LEPR: variants seen among roughly 807,000 people sequenced by gnomAD.
The protein encoded by LEPR is leptin receptor.
A neutral mutation model predicts 114.7 loss-of-function variants in LEPR; 56 were observed. That is an observed-to-expected ratio of 0.49 (90% CI 0.39 to 0.61). LEPR has a LOEUF of 0.61. Among genes scored for constraint, LEPR ranks in the 20% least tolerant of loss-of-function variants. LEPR has a pLI of 0.00. For synonymous variants in LEPR, 443 were observed against 461.4 expected (o/e 0.96, Z 0.51); for missense variants, 1,202 against 1,352.9 (o/e 0.89, Z 1.75).
Position 65,596,632 on chromosome 1 carries a change from GTAAA to G in LEPR, c.849+44_849+47del, listed in dbSNP as rs577569033. On this transcript the variant is annotated intron_variant, in intron 7 of 19. Coordinates refer to ENST00000349533, the MANE Select transcript of LEPR (RefSeq NM_002303.6). ...AGTAAGTAAAAGGAAAAGTTGAGAA[GTAAA>G]TAAAGACCCTCTTAAGTCCCATAGC... 1.4e-3 allele frequency: 2,296 copies of G among 1,585,912 alleles called. 36 individuals are homozygous for G. The highest frequency in any genetic ancestry group is 4.1e-4 in the Non-Finnish European group (476 of 1,157,314).
chr1:65,611,304 A>G (rs1346303549), intron 14 of LEPR, among the ~76,000 whole-genome samples: 1 of 152,208 alleles, frequency 6.6e-6, no homozygotes, highest in Non-Finnish European at 1.5e-5. Flanking sequence ...CACTTCATAC[A>G]GATCTCCACC....
At chr1:65,547,522 T>G (rs1651856343) in intron 2 of LEPR, among the ~76,000 whole-genome samples, 1 of 151,908 alleles carries the variant, frequency 6.6e-6, no homozygotes, top group South Asian at 2.1e-4. Flanking sequence ...AACTTCTTCC[T>G]GATTTAGTCT....
intron 2 of LEPR, among the ~76,000 whole-genome samples, chr1:65,513,734 C>T (rs1649148435): frequency 6.6e-6 from 1 of 152,224 alleles, no homozygotes; most frequent in African/African-American, 2.4e-5. Context: ...TGAAATACTT[C>T]TCTACAAAAA....
chr1:65,598,663 G>C lies in LEPR; in HGVS notation c.853G>C (p.Asp285His). The part of the protein sequence containing the change: ...ENSTTVIREA[D>H]KIVSATSLLV... ...GTTTTAATATAATATTTAACAGGCT[G>C]ACAAGATTGTCTCAGCTACATCCCT... is the stretch of plus-strand genomic sequence containing the variant. Residue 285 changes from aspartate to histidine, a missense_variant, in exon 8 of 20, where the codon GAC becomes CAC. Transcript: ENST00000349533. 1 of 1,612,998 alleles carries C rather than the reference G, an allele frequency of 6.2e-7. No individual in the cohort carries two copies. Among genetic ancestry groups the C allele is most frequent in the Non-Finnish European group, 8.5e-7 (1 of 1,179,540 alleles).
At position 65,637,359 on chromosome 1, in the gene LEPR, AACACAC is replaced by A. The variant is rs10552268; in HGVS notation, c.*358_*363del. The A allele has an allele frequency of 2.6e-5, 5 of 193,390 alleles. No individual in the cohort carries two copies. The East Asian group carries it at 5.6e-4, about 22-fold the overall frequency. The allele number at this position is 193,390 out of a possible 1,614,324, so 12.0% of individuals were successfully genotyped here. On this transcript the variant is annotated 3_prime_UTR_variant, in exon 20 of 20. Transcript: ENST00000349533. Reference sequence around the variant, plus strand: ...TTACCTCAAGTTTTTGTTTTGTACCAACACACACACACACACACATTCTTAACACAT... The same window carrying A: ...TTACCTCAAGTTTTTGTTTTGTACCAACACACACACACATTCTTAACACAT...
rs970408933 is a variant in LEPR, at chr1:65,640,169, C to A, written c.*3154C>A. 2 of 152,074 alleles carry A rather than the reference C, an allele frequency of 1.3e-5. No individual in the cohort carries two copies. Among genetic ancestry groups the A allele is most frequent in the Non-Finnish European group, 2.9e-5 (2 of 68,014 alleles). The allele number at this position is 152,074 out of a possible 1,614,324, so 9.4% of individuals were successfully genotyped here. ...TTCAGGAATATTTATATTACCTCCT[C>A]CAAAACTGAAAGAAAATAAACTTTA... is the stretch of plus-strand genomic sequence containing the variant. On this transcript the variant is annotated 3_prime_UTR_variant, in exon 20 of 20. Transcript: ENST00000349533.
At chr1:65,429,564 G>A (rs569519987) in intron 2 of LEPR, among the ~76,000 whole-genome samples, 2 of 152,252 alleles carry the variant, frequency 1.3e-5, no homozygotes, top group Admixed American at 6.5e-5. Flanking sequence ...AAATGACCAA[G>A]TTAAAATTCT....
chr1:65,469,425 A>G (rs1374800265), intron 2 of LEPR, among the ~76,000 whole-genome samples: 1 of 152,222 alleles, frequency 6.6e-6, no homozygotes, highest in African/African-American at 2.4e-5. Context: ...GAGCAGAAGT[A>G]GTTATCAGGC....
chr1:65,438,402 T>C (rs1233276636), intron 2 of LEPR, among the ~76,000 whole-genome samples: 9 of 151,704 alleles, frequency 5.9e-5, no homozygotes, highest in African/African-American at 2.2e-4. Flanking sequence ...ATACAACAGT[T>C]AGCAGGGCGT....
chr1:65,492,305 T>C lies in LEPR; in HGVS notation c.-21+66927T>C, dbSNP rs868085504. 3.6e-4 allele frequency among the ~76,000 whole-genome samples: 55 copies of C among 152,250 alleles called. 1 individual carries two copies. The highest frequency in any genetic ancestry group is 6.8e-3 in the Middle Eastern group (2 of 294). On this transcript the variant is annotated intron_variant, in intron 2 of 19. Transcript: ENST00000349533. ...TGTCTCAACAATATTTTTTGTTTGT[T>C]TTTAATTTTTCATTACCGTTGTCAT...
chr1:65,472,614 A>G (rs1647100369), intron 2 of LEPR, among the ~76,000 whole-genome samples: 1 of 110,522 alleles, frequency 9.0e-6, no homozygotes, highest in Non-Finnish European at 2.1e-5. Context: ...GTATATATAT[A>G]GACACACACA....
intron 2 of LEPR, among the ~76,000 whole-genome samples, chr1:65,504,827 A>C (rs946009830): frequency 2.0e-5 from 3 of 152,190 alleles, no homozygotes; most frequent in African/African-American, 7.2e-5. Flanking sequence ...GATAGAAATA[A>C]TAGGGGAGAT....
At position 65,636,673 on chromosome 1, in the gene LEPR, A is replaced by T; in HGVS notation, c.3156A>T (p.Thr1052=). The T allele has an allele frequency of 6.2e-7, 1 of 1,609,794 alleles. No homozygotes were observed. Among genetic ancestry groups the T allele is most frequent in the Non-Finnish European group, 8.5e-7 (1 of 1,177,388 alleles). Residue 1052 remains threonine (T), a synonymous_variant, in exon 20 of 20, where the codon ACA becomes ACT. Coordinates refer to ENST00000349533, the MANE Select transcript of LEPR (RefSeq NM_002303.6). ...QHPNIISPHL[T]FSEGLDELLK... is the part of the protein sequence containing the mutation. ...CCAACATAATTTCACCACACCTCACATTCTCAGAAGGATTGGATGAACTTT... is the reference window on the plus strand; with the variant it reads ...CCAACATAATTTCACCACACCTCACTTTCTCAGAAGGATTGGATGAACTTT...
intron 2 of LEPR, among the ~76,000 whole-genome samples, chr1:65,484,251 A>G (rs1647362296): frequency 6.6e-6 from 1 of 152,160 alleles, no homozygotes; most frequent in Non-Finnish European, 1.5e-5. Context: ...TAGGAGCTTA[A>G]TATTTGTGTA....
intron 5 of LEPR, among the ~76,000 whole-genome samples, chr1:65,580,911 TGGGACTG>T (rs1241488798): frequency 3.3e-5 from 5 of 151,988 alleles, no homozygotes; most frequent in African/African-American, 1.2e-4. Flanking sequence ...TTGAGTGTGG[TGGGACTG>T]GGAAGCTGGG....
intron 14 of LEPR, among the ~76,000 whole-genome samples, chr1:65,612,969 C>T (rs946389220): frequency 2.0e-5 from 3 of 152,052 alleles, no homozygotes; most frequent in Non-Finnish European, 4.4e-5. Context: ...TCTTTTTTCT[C>T]CTTTCTCCAT....
chr1:65,478,805 A>C (rs957790379), intron 2 of LEPR, among the ~76,000 whole-genome samples: 1 of 152,186 alleles, frequency 6.6e-6, no homozygotes. Context: ...AAAGTAGTCA[A>C]CCACCATACC....
intron 5 of LEPR, among the ~76,000 whole-genome samples, chr1:65,583,479 A>G (rs1413313678): frequency 6.6e-6 from 1 of 152,070 alleles, no homozygotes; most frequent in Non-Finnish European, 1.5e-5. Context: ...TATCAGTGAC[A>G]TTTCATAGGA....
At chr1:65,632,058 G>A (rs1658545244) in intron 19 of LEPR, among the ~76,000 whole-genome samples, 1 of 152,010 alleles carries the variant, frequency 6.6e-6, no homozygotes, top group Non-Finnish European at 1.5e-5. Context: ...CCTTTAGCGG[G>A]GCTAAAGCTA....
Sources: allele counts gnomAD v4.1 joint callset (sites outside exome capture counted in the v4.1 genomes callset), GRCh38; gene constraint gnomAD v4.1.1; transcripts MANE v1.5; gene names NCBI Gene and HGNC (gene_info 2026-07-23, HGNC 2026-07-21).